TTC13: variants seen among roughly 807,000 people sequenced by gnomAD.
The protein encoded by TTC13 is tetratricopeptide repeat protein 13.
A neutral mutation model predicts 120.0 loss-of-function variants in TTC13; 62 were observed. The ratio of observed to expected loss-of-function variants is 0.52; its 90% CI spans 0.42 to 0.64. The LOEUF is 0.64. Ranked by LOEUF, TTC13 falls within the 30% of genes least tolerant of loss-of-function variation. The pLI is 0.00. For missense variants in TTC13, 824 were observed against 1,050.2 expected (o/e 0.78, Z 2.98); for synonymous variants, 384 against 393.5 (o/e 0.98, Z 0.28).
At chr1:230,932,495 A>C (rs1673649117) in intron 9 of TTC13, among the ~76,000 whole-genome samples, 1 of 152,198 alleles carries the variant, frequency 6.6e-6, no homozygotes, top group Admixed American at 6.5e-5. Context: ...CTCAGGCTGA[A>C]ATCAGCCTCC....
chr1:230,936,300 A>C (rs905026712), intron 8 of TTC13: 5 of 453,312 alleles, frequency 1.1e-5, no homozygotes, highest in African/African-American at 1.0e-4. Flanking sequence ...TCAAGATTTT[A>C]AGGCGTTGGG....
rs1357804444 is a variant in TTC13 at position 230,978,341 on chromosome 1, C to T, written c.271+219G>A. On this transcript the variant is annotated intron_variant, in intron 1 of 22. Transcript: ENST00000366661. The surrounding 1 kb of genome is among the most constrained non-coding windows in gnomAD (Gnocchi z 5.6). ...AGCATGCTGTCAGCTCATTTCTCGA[C>T]TCGCCGCCCTGCCCAAAGGCGGCTG... 3.3e-5 allele frequency among the ~76,000 whole-genome samples: 5 copies of T among 152,274 alleles called. No individual in the cohort carries two copies. Among genetic ancestry groups the T allele is most frequent in the Non-Finnish European group, 7.4e-5 (5 of 68,002 alleles).
intron 4 of TTC13, among the ~76,000 whole-genome samples, chr1:230,948,488 T>C (rs1396759426): frequency 6.7e-6 from 1 of 148,834 alleles, no homozygotes; most frequent in African/African-American, 2.5e-5. Flanking sequence ...ATCTCCTTCC[T>C]CTTTTTTTTT....
At position 230,926,783 on chromosome 1, in the gene TTC13, T is replaced by C. The variant is rs186720326; in HGVS notation, c.1458-1136A>G. Among the ~76,000 whole-genome samples, 10 of 152,322 alleles carry C rather than the reference T, an allele frequency of 6.6e-5. No individual in the cohort carries two copies. The East Asian group carries it at 1.2e-3, about 18-fold the overall frequency. ...TTGCTCATTTAATAGTTGAGACACA[T>C]AGAAAACACGAAGTCAAATTACCCA... On this transcript the variant is annotated intron_variant, in intron 12 of 22. Coordinates refer to ENST00000366661, the MANE Select transcript of TTC13 (RefSeq NM_024525.5).
chr1:230,928,898 A>C (rs1673284615), intron 12 of TTC13, 39 bp downstream of exon 12: 3 of 1,605,466 alleles, frequency 1.9e-6, no homozygotes, highest in Admixed American at 3.4e-5. Flanking sequence ...CTCAGTTTTG[A>C]GAAAGGAAAA....
chr1:230,916,989 AT>A (rs57387084), intron 17 of TTC13, among the ~76,000 whole-genome samples: 4,863 of 149,224 alleles, frequency 0.033, 258 homozygotes, highest in African/African-American at 0.11. Context: ...AATATTGCCA[AT>A]TTTTTTTTTT....
In TTC13 at chr1:230,908,730, C is replaced by T; in HGVS notation, c.2450G>A (p.Ser817Asn). 1 of 1,613,542 alleles carries T rather than the reference C, an allele frequency of 6.2e-7. No individual in the cohort carries two copies. Among genetic ancestry groups the T allele is most frequent in the South Asian group, 1.1e-5 (1 of 91,056 alleles). Residue 817 changes from serine (S) to asparagine (N), a missense_variant, in exon 22 of 23, where the codon AGC becomes AAC. Around this residue, in one of 4 missense-constraint regions of TTC13, gnomAD observed 226 missense variants for 259.1 expected, o/e 0.87. Transcript: ENST00000366661. ...GSEAFSKVAK[S>N]WMNLKSISPS... ...TAGTTACCTTTTCAAGTTCATCCAGCTTTTGGCGACTTTGCTAAAGGCCTC... is the reference window on the plus strand; with the variant it reads ...TAGTTACCTTTTCAAGTTCATCCAGTTTTTGGCGACTTTGCTAAAGGCCTC...
At chr1:230,954,444 G>A in intron 3 of TTC13, 41 bp from the exon 4 acceptor site, 2 of 1,482,166 alleles carry the variant, frequency 1.3e-6, no homozygotes, top group Non-Finnish European at 1.9e-6. Flanking sequence ...AAAGAATAAA[G>A]TAGTTCTAAC....
In TTC13 at chr1:230,916,252, G is replaced by C. The variant is rs1029189554; in HGVS notation, c.2034C>G (p.Pro678=). ...ATTCCTTCCCTTGGTCTTTAAGGCT[G>C]GGAACTTTTGTGTTCACGGTGAACC... ...KDGFTVNTKV[P]SLKDQGKEYD... Residue 678 remains proline, a synonymous_variant, in exon 18 of 23, where the codon CCC becomes CCG. Transcript: ENST00000366661. The C allele has an allele frequency of 3.7e-6, 6 of 1,613,974 alleles. No homozygotes were observed. Among genetic ancestry groups the C allele is most frequent in the Admixed American group, 1.7e-5 (1 of 59,984 alleles).
Position 230,906,895 on chromosome 1 carries a change from A to G in TTC13, c.*10T>C, listed in dbSNP as rs573444156. On this transcript the variant is annotated 3_prime_UTR_variant, in exon 23 of 23. Transcript: ENST00000366661. ...TCCGGCCCTTTACTTGTATAAATAC[A>G]GCAGCAGAACTAGAGTTTCTTAAGA... 16 of 1,383,918 alleles carry G rather than the reference A, an allele frequency of 1.2e-5. No individual in the cohort carries two copies. Among genetic ancestry groups the G allele is most frequent in the African/African-American group, 6.0e-5 (4 of 66,338 alleles). The allele number at this position is 1,383,918 out of a possible 1,614,324, so 85.7% of individuals were successfully genotyped here. A position where few individuals can be genotyped will look rare whatever the true frequency, so the allele number is the denominator to read the frequency against.
chr1:230,912,801 T>C (rs1006006580), intron 18 of TTC13, 43 bp from the exon 19 acceptor site: 1 of 1,570,276 alleles, frequency 6.4e-7, no homozygotes, highest in African/African-American at 1.4e-5. Context: ...TATTATAAGT[T>C]CAAACAGCCA....
intron 1 of TTC13, among the ~76,000 whole-genome samples, chr1:230,965,540 C>T (rs1312669507): frequency 6.6e-6 from 1 of 152,148 alleles, no homozygotes; most frequent in Non-Finnish European, 1.5e-5. Flanking sequence ...ATTAGCAGAA[C>T]CACGATAGAG....
At chr1:230,963,589 C>T (rs1676843576) in intron 1 of TTC13, among the ~76,000 whole-genome samples, 1 of 151,768 alleles carries the variant, frequency 6.6e-6, no homozygotes, top group Admixed American at 6.6e-5. Context: ...GAACCATGAT[C>T]ATACCACTGC....
At chr1:230,967,450 T>A (rs1677235757) in intron 1 of TTC13, among the ~76,000 whole-genome samples, 1 of 152,210 alleles carries the variant, frequency 6.6e-6, no homozygotes, top group Non-Finnish European at 1.5e-5. Flanking sequence ...TTGCTGACCT[T>A]TATCAAGCAC....
At chr1:230,910,523 C>T (rs1397086308) in intron 20 of TTC13, among the ~76,000 whole-genome samples, 2 of 152,118 alleles carry the variant, frequency 1.3e-5, no homozygotes, top group Non-Finnish European at 2.9e-5. Context: ...GCAGAATCAA[C>T]AGACTATTTA....
intron 1 of TTC13, among the ~76,000 whole-genome samples, chr1:230,963,880 T>C (rs1676885391): frequency 6.6e-6 from 1 of 152,084 alleles, no homozygotes; most frequent in Non-Finnish European, 1.5e-5. Flanking sequence ...CTGCAGAAAG[T>C]CTGATCTGAA....
At chr1:230,927,553 T>A (rs1420534763) in intron 12 of TTC13, among the ~76,000 whole-genome samples, 1 of 152,216 alleles carries the variant, frequency 6.6e-6, no homozygotes, top group African/African-American at 2.4e-5. Flanking sequence ...GGTTGTCTCT[T>A]ATTTTTTAAT....
chr1:230,971,958 C>G (rs539279277), intron 1 of TTC13, among the ~76,000 whole-genome samples: 34 of 152,318 alleles, frequency 2.2e-4, no homozygotes, highest in South Asian at 1.9e-3. Context: ...CAGACAACAT[C>G]AACTCCACAG....
intron 4 of TTC13, among the ~76,000 whole-genome samples, chr1:230,953,843 A>G (rs1030453958): frequency 1.4e-4 from 22 of 152,178 alleles, no homozygotes; most frequent in African/African-American, 5.1e-4. Context: ...AAGACCCAAT[A>G]CTTCACTGAG....
Sources: gnomAD v4.1 joint callset for allele counts (sites outside exome capture counted in the v4.1 genomes callset) on GRCh38, gnomAD v4.1.1 for gene constraint, gnomAD v4.1.1 regional missense constraint, Gnocchi (gnomAD v3.1) non-coding constraint, MANE v1.5 for transcripts, NCBI Gene and HGNC (gene_info 2026-07-23, HGNC 2026-07-21) for gene names.